The following HMGXB4 variants were observed in gnomAD, a reference collection of about 807,000 sequenced individuals.
HMGXB4 encodes the protein HMG-box containing 4, also known as HMG domain-containing protein 4.
Under a neutral mutation model 63.9 loss-of-function variants are expected in HMGXB4, and 27 were observed. That is an observed-to-expected ratio of 0.42 (90% confidence interval 0.31 to 0.58). The LOEUF (loss-of-function observed/expected upper bound fraction) is 0.58, where lower values mean the gene tolerates loss of function less well. Among genes scored for constraint, HMGXB4 ranks in the 20% least tolerant of loss-of-function variants. HMGXB4 has a pLI of 0.13. For missense variants in HMGXB4, 624 were observed against 700.7 expected (o/e 0.89, Z 1.24); for synonymous variants, 264 against 265.3 (o/e 0.99, Z 0.05).
intron 2 of HMGXB4, chr22:35,262,765 ATTC>A: frequency 3.9e-6 from 2 of 514,828 alleles, no homozygotes; most frequent in East Asian, 3.5e-5. Context: ...ATGAATCCTT[ATTC>A]TTTTCAGCCT....
upstream of HMGXB4, among the ~76,000 whole-genome samples, chr22:35,255,871 G>T (rs575889541): frequency 6.6e-6 from 1 of 152,366 alleles, no homozygotes; most frequent in African/African-American, 2.4e-5. Flanking sequence ...GTCAGGCAGG[G>T]TGTCCCAGAA....
chr22:35,251,972 C>G, the HMGXB4 span, among the ~76,000 whole-genome samples: 3 of 152,084 alleles, frequency 2.0e-5, no homozygotes, highest in Non-Finnish European at 4.4e-5. Flanking sequence ...CCCAGGACTT[C>G]GGGAAGCCAA....
At chr22:35,253,520 T>C (rs900428586), upstream of HMGXB4, among the ~76,000 whole-genome samples, 3 of 152,234 alleles carry the variant, frequency 2.0e-5, no homozygotes, top group African/African-American at 7.2e-5. Context: ...TGCAACTTTG[T>C]GGTATCCCAG....
intron 2 of HMGXB4, chr22:35,262,719 TCA>T (rs1360653381): frequency 5.8e-6 from 3 of 520,972 alleles, no homozygotes; most frequent in Admixed American, 6.9e-5. Context: ...GGGATAGGAA[TCA>T]CATCCTGGAC....
intron 5 of HMGXB4, among the ~76,000 whole-genome samples, chr22:35,265,845 G>C (rs1923207443): frequency 6.7e-6 from 1 of 149,936 alleles, no homozygotes; most frequent in South Asian, 2.1e-4. Flanking sequence ...GGAGTGCAGT[G>C]GTGCAGTCTG....
Position 35,292,904 on chromosome 22 carries a change from G to A in HMGXB4, c.1639-88G>A. 5 of 1,493,010 alleles carry A rather than the reference G, an allele frequency of 3.3e-6. No individual in the cohort carries two copies. In the South Asian group the frequency reaches 5.9e-5, roughly 17 times the overall value. The allele number at this position is 1,493,010 out of a possible 1,614,324, so 92.5% of individuals were successfully genotyped here. The stretch of plus-strand genomic sequence containing the variant: ...AGTTTCAAATTATAAGAGTAGAACT[G>A]CCTAGGATTTAAAGTACTGTGTGAG... On this transcript the variant is annotated intron_variant, in intron 9 of 10. Coordinates refer to ENST00000216106, the MANE Select transcript of HMGXB4 (RefSeq NM_001003681.3).
intron 8 of HMGXB4, 79 bp downstream of exon 8, chr22:35,287,531 T>C: frequency 1.0e-6 from 1 of 977,458 alleles, no homozygotes. Flanking sequence ...GGAAAAAAGC[T>C]TGCAGTATTA....
chr22:35,248,245 G>A, the HMGXB4 span, among the ~76,000 whole-genome samples: 4 of 152,138 alleles, frequency 2.6e-5, no homozygotes, highest in African/African-American at 9.7e-5. Flanking sequence ...GCTGGGTAAT[G>A]TGTAAAGAAA....
the HMGXB4 span, among the ~76,000 whole-genome samples, chr22:35,246,421 C>CCCG: frequency 0.91 from 138,267 of 151,938 alleles, 63,021 homozygotes; most frequent in East Asian, 1. Flanking sequence ...ACTGCAGGTG[C>CCCG]CCACCATGCC....
chr22:35,264,495 A>G (rs1923062261), intron 4 of HMGXB4, among the ~76,000 whole-genome samples, 153 bp from the exon 5 acceptor site: 1 of 152,208 alleles, frequency 6.6e-6, no homozygotes, highest in Non-Finnish European at 1.5e-5. Context: ...CAAGGGCATC[A>G]TTTCTCAATG....
intron 3 of HMGXB4, 79 bp downstream of exon 3, chr22:35,263,305 T>TG: frequency 1.6e-6 from 2 of 1,235,644 alleles, no homozygotes; most frequent in Non-Finnish European, 1.1e-6. Context: ...TTTTTGTTTT[T>TG]TTTTTTTTTC....
chr22:35,282,338 G>A (rs941542699), intron 5 of HMGXB4, among the ~76,000 whole-genome samples: 2 of 152,060 alleles, frequency 1.3e-5, no homozygotes, highest in Non-Finnish European at 2.9e-5. Context: ...CACCATGCCC[G>A]GCTAATTTTT....
In HMGXB4 at chr22:35,262,044, A is replaced by T. The variant is rs193104197; in HGVS notation, c.-68-279A>T. 1.6e-3 allele frequency: 405 copies of T among 251,888 alleles called. 2 individuals are homozygous for T. Among genetic ancestry groups the T allele is most frequent in the Admixed American group, 3.4e-3 (66 of 19,654 alleles). The allele number at this position is 251,888 out of a possible 1,614,324, so 15.6% of individuals were successfully genotyped here. Reference sequence around the variant, plus strand: ...TGTCAGTCCTGTTGGCATTTTAGAAATTCTCATTAATTTTGAAAATATTTT... The same window carrying T: ...TGTCAGTCCTGTTGGCATTTTAGAATTTCTCATTAATTTTGAAAATATTTT... On this transcript the variant is annotated intron_variant, in intron 1 of 10. Coordinates refer to ENST00000216106, the MANE Select transcript of HMGXB4 (RefSeq NM_001003681.3).
rs1444357861 is a variant in HMGXB4 at position 35,293,129 on chromosome 22, G to A, written c.1761+15G>A. ...AACAGGTCTTGGTGAGTTTTCCCTGGATTTTTAGAGTCAGATCCATTGGGC... is the reference window on the plus strand; with the variant it reads ...AACAGGTCTTGGTGAGTTTTCCCTGAATTTTTAGAGTCAGATCCATTGGGC... On this transcript the variant is annotated intron_variant, in intron 10 of 10. Transcript: ENST00000216106. The A allele has an allele frequency of 1.2e-5, 20 of 1,614,020 alleles. No homozygotes were observed. The highest frequency in any genetic ancestry group is 1.7e-5 in the Non-Finnish European group (20 of 1,180,014).
At chr22:35,288,766 T>G (rs1386565438) in intron 9 of HMGXB4, among the ~76,000 whole-genome samples, 1 of 152,086 alleles carries the variant, frequency 6.6e-6, no homozygotes, top group Non-Finnish European at 1.5e-5. Flanking sequence ...GAGAATCGCT[T>G]AAGGCCAAGA....
At chr22:35,245,893 T>A in the HMGXB4 span, among the ~76,000 whole-genome samples, 1 of 152,024 alleles carries the variant, frequency 6.6e-6, no homozygotes, top group Non-Finnish European at 1.5e-5. Context: ...CCCCACAGGG[T>A]CCCACTGACA....
chr22:35,293,152 G>A (rs1925030483), intron 10 of HMGXB4, 38 bp downstream of exon 10: 1 of 1,613,292 alleles, frequency 6.2e-7, no homozygotes, highest in Non-Finnish European at 8.5e-7. Context: ...AGATCCATTG[G>A]GCGTCAGAGA....
At chr22:35,256,368 A>T (rs976873321), upstream of HMGXB4, among the ~76,000 whole-genome samples, 1 of 152,206 alleles carries the variant, frequency 6.6e-6, no homozygotes, top group Non-Finnish European at 1.5e-5. Flanking sequence ...AAGCCAATCT[A>T]CATCTCTAAC....
At chr22:35,255,118 G>A (rs1170856155), upstream of HMGXB4, among the ~76,000 whole-genome samples, 1 of 152,158 alleles carries the variant, frequency 6.6e-6, no homozygotes, top group East Asian at 1.9e-4. Context: ...TTTACTCATA[G>A]TGATTGCTTT....
Sources: gnomAD v4.1 joint callset for allele counts (sites outside exome capture counted in the v4.1 genomes callset) on GRCh38, gnomAD v4.1.1 for gene constraint, MANE v1.5 for transcripts, NCBI Gene and HGNC (gene_info 2026-07-23, HGNC 2026-07-21) for gene names.